Variants in ABCB1 observed in about 807,000 individuals in gnomAD.
The protein encoded by ABCB1 is ATP binding cassette subfamily B member 1.
Under a neutral mutation model 142.0 loss-of-function variants are expected in ABCB1, and 69 were observed. That is an observed-to-expected ratio of 0.49 (90% confidence interval 0.40 to 0.59). The LOEUF (loss-of-function observed/expected upper bound fraction) is 0.59. ABCB1 is among the 20% of genes least tolerant of loss of function. The pLI, the probability that ABCB1 is intolerant of heterozygous loss-of-function variation, is 0.00. For missense variants in ABCB1, 1,326 were observed against 1,554.7 expected (o/e 0.85, Z 2.47); for synonymous variants, 532 against 539.2 (o/e 0.99, Z 0.18).
Position 87,609,156 on chromosome 7 carries a change from G to C in ABCB1, c.-330-8078C>G, listed in dbSNP as rs146514686. On this transcript the variant is annotated intron_variant, in intron 1 of 28. Coordinates refer to the ABCB1 transcript ENST00000265724. Reference sequence around the variant, plus strand: ...GGTGAAAAACAGAGCAGGGGAAAGAGAGTGGAAGTACCAGGTGGGCAAAGT... The same window carrying C: ...GGTGAAAAACAGAGCAGGGGAAAGACAGTGGAAGTACCAGGTGGGCAAAGT... Among the ~76,000 whole-genome samples the C allele has an allele frequency of 3.0e-4, 45 of 152,264 alleles. 1 individual carries two copies. Among genetic ancestry groups the C allele is most frequent in the South Asian group, 1.0e-3 (5 of 4,826 alleles).
chr7:87,691,301 A>C (rs1028202276), intron 1 of ABCB1, among the ~76,000 whole-genome samples: 8 of 152,174 alleles, frequency 5.3e-5, no homozygotes, highest in African/African-American at 1.9e-4. Context: ...TATTCAGTAT[A>C]GAAGCATTCT....
At chr7:87,586,466 A>AG (rs1209061870) in intron 3 of ABCB1, among the ~76,000 whole-genome samples, 4 of 152,170 alleles carry the variant, frequency 2.6e-5, no homozygotes, top group Non-Finnish European at 4.4e-5. Flanking sequence ...AGAAAACCAA[A>AG]GGGAAAAAAA....
chr7:87,710,241 G>A (rs200954134), intron 1 of ABCB1, among the ~76,000 whole-genome samples: 17 of 151,918 alleles, frequency 1.1e-4, no homozygotes, highest in Non-Finnish European at 2.1e-4. Context: ...GTTGATTTGC[G>A]GTATTGAAGT....
intron 1 of ABCB1, among the ~76,000 whole-genome samples, chr7:87,662,130 C>T (rs2130456715): frequency 6.6e-6 from 1 of 152,096 alleles, no homozygotes; most frequent in Middle Eastern, 3.4e-3. Flanking sequence ...TGTTTGAGCT[C>T]CTTATATATT....
At chr7:87,676,152 A>C (rs1009718804) in intron 1 of ABCB1, among the ~76,000 whole-genome samples, 3 of 152,148 alleles carry the variant, frequency 2.0e-5, no homozygotes, top group Admixed American at 2.0e-4. Flanking sequence ...GGTTGAACCC[A>C]GGAGTTTGAG....
intron 13 of ABCB1, 61 bp from the exon 14 acceptor site, chr7:87,549,579 A>G: frequency 6.2e-7 from 1 of 1,612,440 alleles, no homozygotes; most frequent in East Asian, 2.2e-5. Context: ...TCATATTTTA[A>G]ATTGGTAAGG....
At chr7:87,580,905 C>T (rs1453642578) in intron 4 of ABCB1, among the ~76,000 whole-genome samples, 1 of 151,932 alleles carries the variant, frequency 6.6e-6, no homozygotes, top group Admixed American at 6.6e-5. Context: ...ATTCAAGACT[C>T]TCTTTCCTAC....
intron 23 of ABCB1, among the ~76,000 whole-genome samples, chr7:87,517,834 TC>T (rs1414466031): frequency 8.7e-6 from 1 of 114,466 alleles, no homozygotes; most frequent in Non-Finnish European, 1.9e-5. Context: ...CTCTCCATGT[TC>T]GTGCCTGGAC....
chr7:87,560,665 T>C (rs1004404679), intron 8 of ABCB1, among the ~76,000 whole-genome samples: 1 of 152,218 alleles, frequency 6.6e-6, no homozygotes, highest in South Asian at 2.1e-4. Context: ...TAATTTATAT[T>C]CAATTTTACA....
At chr7:87,619,007 C>A (rs2130086720) in intron 1 of ABCB1, among the ~76,000 whole-genome samples, 1 of 152,222 alleles carries the variant, frequency 6.6e-6, no homozygotes, top group South Asian at 2.1e-4. Flanking sequence ...TTAACTGAAA[C>A]CTTGATTTCA....
chr7:87,704,720 A>T (rs919126093), intron 1 of ABCB1, among the ~76,000 whole-genome samples: 7 of 152,238 alleles, frequency 4.6e-5, no homozygotes, highest in Non-Finnish European at 1.0e-4. Context: ...CCTCAAACAG[A>T]TTCCATTTAG....
intron 1 of ABCB1, among the ~76,000 whole-genome samples, chr7:87,615,761 C>G (rs1393515326): frequency 2.0e-5 from 3 of 152,164 alleles, no homozygotes; most frequent in African/African-American, 7.2e-5. Flanking sequence ...AAGAAGTGAT[C>G]AAAGGAGAAA....
chr7:87,560,146 G>A (rs942540436), intron 8 of ABCB1, among the ~76,000 whole-genome samples: 2 of 152,082 alleles, frequency 1.3e-5, no homozygotes, highest in Non-Finnish European at 2.9e-5. Flanking sequence ...GAGAGCCGGG[G>A]ATTTATTTCA....
rs532029341 is a variant in ABCB1, at chr7:87,525,764, GA to G, written c.2686-4889del. On this transcript the variant is annotated intron_variant, in intron 21 of 27. Coordinates refer to ENST00000622132, the MANE Select transcript of ABCB1 (RefSeq NM_001348946.2). ...CAGGGGTGGCAGAGGGGAAGAGGCA[GA>G]GGAAGTGGAAGGGGAGGCGGGAAAG... Among the ~76,000 whole-genome samples the G allele has an allele frequency of 3.8e-3, 586 of 152,234 alleles. 3 individuals carry two copies. The highest frequency in any genetic ancestry group is 5.3e-3 in the Non-Finnish European group (358 of 68,010).
At chr7:87,610,396 CT>C (rs766581770) in intron 1 of ABCB1, among the ~76,000 whole-genome samples, 6,688 of 73,768 alleles carry the variant, frequency 0.091, 310 homozygotes, top group African/African-American at 0.15. Flanking sequence ...CACACCTGGC[CT>C]TTTTTTTTTT....
chr7:87,533,067 TTTGTTGATGCAATCA>T (rs1816131602), intron 20 of ABCB1, among the ~76,000 whole-genome samples: 1 of 152,092 alleles, frequency 6.6e-6, no homozygotes, highest in South Asian at 2.1e-4. Context: ...ACCTGTATAT[TTTGTTGATGCAATCA>T]TTGAGCTTAT....
intron 1 of ABCB1, among the ~76,000 whole-genome samples, chr7:87,652,963 C>T (rs1823733968): frequency 6.6e-6 from 1 of 151,938 alleles, no homozygotes; most frequent in Admixed American, 6.6e-5. Context: ...CAACATTAAA[C>T]TTTTCCAGAG....
intron 3 of ABCB1, among the ~76,000 whole-genome samples, chr7:87,587,945 TGC>T (rs1818833260): frequency 8.6e-6 from 1 of 116,732 alleles, no homozygotes; most frequent in African/African-American, 2.6e-5. Flanking sequence ...GAGCACAATG[TGC>T]TTAAAAAAGA....
intron 7 of ABCB1, among the ~76,000 whole-genome samples, chr7:87,563,091 A>C (rs1405624062): frequency 1.3e-5 from 2 of 152,184 alleles, no homozygotes; most frequent in South Asian, 4.1e-4. Flanking sequence ...GAACACATAC[A>C]TCCTCCCAAG....
Sources: allele counts gnomAD v4.1 joint callset (sites outside exome capture counted in the v4.1 genomes callset), GRCh38; gene constraint gnomAD v4.1.1; transcripts MANE v1.5; gene names NCBI Gene and HGNC (gene_info 2026-07-23, HGNC 2026-07-21).